AGXT2: variants seen among roughly 807,000 people sequenced by gnomAD.
AGXT2 encodes the protein alanine--glyoxylate aminotransferase 2, also known as alanine--glyoxylate aminotransferase 2, mitochondrial.
In AGXT2, 61 loss-of-function variants were observed where a neutral mutation model predicts 62.5. That is an observed-to-expected ratio of 0.98 (90% confidence interval 0.79 to 1.21). The LOEUF (loss-of-function observed/expected upper bound fraction) is 1.21. Ranked by LOEUF, AGXT2 falls within the 50% of genes most tolerant of loss-of-function variation. The probability of loss-of-function intolerance (pLI) is 0.00; values close to 1 mark genes in which losing one functional copy is unlikely to be tolerated. For missense variants in AGXT2, 666 were observed against 641.5 expected (o/e 1.04, Z -0.41); for synonymous variants, 243 against 218.7 (o/e 1.11, Z -0.98).
In AGXT2 at chr5:35,003,744, A is replaced by G; in HGVS notation, c.1437+19T>C. 1 of 1,606,222 alleles carries G rather than the reference A, an allele frequency of 6.2e-7. No homozygotes were observed. Among genetic ancestry groups the G allele is most frequent in the Non-Finnish European group, 8.5e-7 (1 of 1,172,824 alleles). ...GACTCCTACCTAGAGCGATAGGTAA[A>G]AACCAGTCTTTCTCTTACCTGAGAA... On this transcript the variant is annotated intron_variant, in intron 13 of 13. Transcript: ENST00000231420.
At chr5:35,030,596 A>C (rs1234762663) in intron 7 of AGXT2, among the ~76,000 whole-genome samples, 1 of 152,238 alleles carries the variant, frequency 6.6e-6, no homozygotes, top group Admixed American at 6.5e-5. Flanking sequence ...TACGCCTGTC[A>C]CTATCATTTA....
chr5:35,006,254 G>A (rs1400446590), intron 12 of AGXT2, among the ~76,000 whole-genome samples: 1 of 152,118 alleles, frequency 6.6e-6, no homozygotes, highest in Non-Finnish European at 1.5e-5. Flanking sequence ...TTTTTAGACA[G>A]TTTTGAGGGT....
intron 7 of AGXT2, among the ~76,000 whole-genome samples, chr5:35,029,756 A>T (rs1767492060): frequency 6.6e-6 from 1 of 152,236 alleles, no homozygotes; most frequent in African/African-American, 2.4e-5. Flanking sequence ...TTGTGGGGGC[A>T]GTAGGTGATG....
chr5:35,003,162 G>A (rs1766296319), intron 13 of AGXT2, among the ~76,000 whole-genome samples: 1 of 152,170 alleles, frequency 6.6e-6, no homozygotes, highest in Admixed American at 6.5e-5. Context: ...GGAGTGGGGA[G>A]GGCTCGACCT....
At position 35,010,102 on chromosome 5, in the gene AGXT2, G is replaced by A; in HGVS notation, c.1236C>T (p.Thr412=). The A allele has an allele frequency of 6.2e-7, 1 of 1,614,158 alleles. No homozygotes were observed. Among genetic ancestry groups the A allele is most frequent in the Non-Finnish European group, 8.5e-7 (1 of 1,180,042 alleles). The change falls in exon 12 of 14, where the codon ACC becomes ACT. Residue 412 remains threonine, a synonymous_variant. Coordinates refer to ENST00000231420, the MANE Select transcript of AGXT2 (RefSeq NM_031900.4). ...GCTTAGCAAACTTTAGTAACATGTA[G>A]GTCCCAACTTCTTGACTGTTTTCCT... The part of the protein sequence containing the change: ...NLQENSQEVG[T]YMLLKFAKLR...
intron 9 of AGXT2, among the ~76,000 whole-genome samples, chr5:35,023,895 ATT>A (rs1767220677): frequency 1.3e-5 from 2 of 150,970 alleles, no homozygotes; most frequent in South Asian, 2.1e-4. Context: ...TTATTTATTT[ATT>A]TATTTATTTA....
At chr5:35,011,724 G>T (rs1766647949) in intron 11 of AGXT2, among the ~76,000 whole-genome samples, 1 of 151,864 alleles carries the variant, frequency 6.6e-6, no homozygotes. Flanking sequence ...ATTTCTAAAA[G>T]AACTAAAAGT....
chr5:35,041,496 C>T (rs1767990327), intron 1 of AGXT2, among the ~76,000 whole-genome samples: 4 of 152,152 alleles, frequency 2.6e-5, no homozygotes. Context: ...CATTTCCACC[C>T]TTCCCTGCCA....
Position 35,032,932 on chromosome 5 carries a change from C to T in AGXT2, c.676-107G>A, listed in dbSNP as rs771940500. 8 of 868,602 alleles carry T rather than the reference C, an allele frequency of 9.2e-6. No homozygotes were observed. In the South Asian group the frequency reaches 1.0e-4, roughly 11 times the overall value. The allele number at this position is 868,602 out of a possible 1,614,324, so 53.8% of individuals were successfully genotyped here. On this transcript the variant is annotated intron_variant, in intron 6 of 13. Coordinates refer to ENST00000231420, the MANE Select transcript of AGXT2 (RefSeq NM_031900.4). The stretch of plus-strand genomic sequence containing the variant: ...CAAGAGGGCTTCTTAGTTTTCCTCC[C>T]TCATTCTTCCCCCACTTAAGATGAA...
chr5:35,003,847 A>G lies in AGXT2; in HGVS notation c.1353T>C (p.Pro451=). ...EMVQDKISCR[P]LPREEVNQIH... is the part of the protein sequence containing the mutation. ...TCTGATTTACTTCTTCACGGGGAAG[A>G]GGCCGACAGCTTATCTGTAAATATA... The change falls in exon 13 of 14, where the codon CCT becomes CCC. Residue 451 remains proline, a synonymous_variant. Transcript: ENST00000231420. 1 of 1,614,102 alleles carries G rather than the reference A, an allele frequency of 6.2e-7. No individual in the cohort carries two copies. The highest frequency in any genetic ancestry group is 8.5e-7 in the Non-Finnish European group (1 of 1,179,946).
chr5:35,044,784 T>A (rs547331385), intron 1 of AGXT2, among the ~76,000 whole-genome samples: 4 of 152,196 alleles, frequency 2.6e-5, no homozygotes, highest in Non-Finnish European at 5.9e-5. Context: ...CTTCCGCACG[T>A]TCGGGAGTAG....
intron 13 of AGXT2, among the ~76,000 whole-genome samples, chr5:35,000,406 A>AGT (rs1214549204): frequency 5.3e-5 from 8 of 152,118 alleles, no homozygotes; most frequent in Non-Finnish European, 1.2e-4. Context: ...TTTGAGACAG[A>AGT]GTCTCACTCT....
chr5:35,040,623 A>G lies in AGXT2; in HGVS notation c.129T>C (p.His43=). Residue 43 remains histidine (H), a synonymous_variant, in exon 2 of 14, where the codon CAT becomes CAC. Transcript: ENST00000231420. Reference sequence around the variant, plus strand: ...CACATGGAGGCATTCTGGGCTTTGTATGAAGACTGAGCTTGGTTACTGATG... The same window carrying G: ...CACATGGAGGCATTCTGGGCTTTGTGTGAAGACTGAGCTTGGTTACTGATG... ...SRTSVTKLSL[H]TKPRMPPCDF... 4 of 1,614,036 alleles carry G rather than the reference A, an allele frequency of 2.5e-6. No individual in the cohort carries two copies. The highest frequency in any genetic ancestry group is 1.1e-5 in the South Asian group (1 of 91,080).
At chr5:35,003,961 C>T (rs1455594027) in intron 12 of AGXT2, 100 bp from the exon 13 acceptor site, 1 of 1,076,948 alleles carries the variant, frequency 9.3e-7, no homozygotes. Flanking sequence ...GCCATCAATG[C>T]CCCTCTTTTT....
chr5:35,032,953 A>G (rs1404062811), intron 6 of AGXT2, 128 bp from the exon 7 acceptor site: 1 of 779,762 alleles, frequency 1.3e-6, no homozygotes, highest in Non-Finnish European at 2.2e-6. Flanking sequence ...CCCACTTAAG[A>G]TGAAAATTGA....
intron 2 of AGXT2, 81 bp from the exon 3 acceptor site, chr5:35,039,589 C>G (rs1159653999): frequency 9.6e-6 from 14 of 1,462,438 alleles, no homozygotes; most frequent in Admixed American, 7.1e-5. Flanking sequence ...AGCCCAGGCT[C>G]TCTAGTGGAC....
chr5:35,030,422 C>T (rs1001279495), intron 7 of AGXT2, among the ~76,000 whole-genome samples: 2 of 152,112 alleles, frequency 1.3e-5, no homozygotes, highest in African/African-American at 4.8e-5. Flanking sequence ...GCAGGAGAAT[C>T]GCTTGAACCC....
intron 1 of AGXT2, among the ~76,000 whole-genome samples, chr5:35,045,960 G>C (rs898677366): frequency 4.0e-5 from 6 of 151,840 alleles, no homozygotes; most frequent in African/African-American, 1.5e-4. Flanking sequence ...GTACAGACAG[G>C]GTTTCCCCGT....
intron 12 of AGXT2, 143 bp downstream of exon 12, chr5:35,009,857 T>C: frequency 9.1e-7 from 1 of 1,099,968 alleles, no homozygotes; most frequent in Non-Finnish European, 1.4e-6. Flanking sequence ...CAACACTCTC[T>C]ACTAATCTCT....
Sources: gnomAD v4.1 joint callset for allele counts (sites outside exome capture counted in the v4.1 genomes callset) on GRCh38, gnomAD v4.1.1 for gene constraint, MANE v1.5 for transcripts, NCBI Gene and HGNC (gene_info 2026-07-23, HGNC 2026-07-21) for gene names.